ARHGAP12: variants seen among roughly 807,000 people sequenced by gnomAD.
ARHGAP12 encodes the protein rho GTPase-activating protein 12.
Under a neutral mutation model 108.6 loss-of-function variants are expected in ARHGAP12, and 64 were observed. The ratio of observed to expected loss-of-function variants is 0.59; its 90% CI spans 0.48 to 0.73. ARHGAP12 has a LOEUF of 0.73. Ranked by LOEUF, ARHGAP12 falls within the 30% of genes least tolerant of loss-of-function variation. ARHGAP12 has a pLI of 0.00. For synonymous variants in ARHGAP12, 312 were observed against 337.2 expected (o/e 0.93, Z 0.82); for missense variants, 940 against 1,005.9 (o/e 0.93, Z 0.89).
chr10:31,922,157 G>A (rs1278083952), intron 1 of ARHGAP12, among the ~76,000 whole-genome samples: 1 of 120,750 alleles, frequency 8.3e-6, no homozygotes, highest in Non-Finnish European at 1.6e-5. Context: ...CTCCAGCCTG[G>A]GAGACAGAGC....
intron 3 of ARHGAP12, among the ~76,000 whole-genome samples, chr10:31,896,727 C>T (rs1270087070): frequency 6.6e-6 from 1 of 152,122 alleles, no homozygotes; most frequent in Non-Finnish European, 1.5e-5. Flanking sequence ...ACAAGATGAA[C>T]ATGAAAATCA....
chr10:31,823,299 G>A (rs1312167736), intron 11 of ARHGAP12, among the ~76,000 whole-genome samples: 1 of 152,052 alleles, frequency 6.6e-6, no homozygotes, highest in African/African-American at 2.4e-5. Context: ...AAGTGATATA[G>A]CAATCCAGTG....
intron 1 of ARHGAP12, among the ~76,000 whole-genome samples, chr10:31,917,437 T>TA (rs1160276447): frequency 1.3e-5 from 2 of 152,244 alleles, no homozygotes; most frequent in East Asian, 1.9e-4. Context: ...ATCATTACCC[T>TA]AGTCTTTATA....
chr10:31,852,449 T>A, intron 6 of ARHGAP12, 68 bp downstream of exon 6: 1 of 1,210,700 alleles, frequency 8.3e-7, no homozygotes, highest in East Asian at 2.3e-5. Flanking sequence ...ATAAATCTGC[T>A]GAAACCATCT....
At chr10:31,900,221 C>A (rs1041360424) in intron 3 of ARHGAP12, among the ~76,000 whole-genome samples, 5 of 152,226 alleles carry the variant, frequency 3.3e-5, no homozygotes, top group African/African-American at 9.6e-5. Flanking sequence ...ACCAAATGCT[C>A]GTGAATATGT....
chr10:31,819,658 G>A (rs1835336540), intron 12 of ARHGAP12, among the ~76,000 whole-genome samples: 1 of 152,194 alleles, frequency 6.6e-6, no homozygotes, highest in Non-Finnish European at 1.5e-5. Context: ...TAGCTCCCTT[G>A]AGAATGAAAG....
At chr10:31,851,460 T>C (rs963556188) in intron 6 of ARHGAP12, among the ~76,000 whole-genome samples, 3 of 152,214 alleles carry the variant, frequency 2.0e-5, no homozygotes, top group Admixed American at 2.0e-4. Context: ...TTTTCCATTA[T>C]GGCCACCTAC....
At chr10:31,903,940 A>T (rs1387173848) in intron 3 of ARHGAP12, among the ~76,000 whole-genome samples, 2 of 152,138 alleles carry the variant, frequency 1.3e-5, no homozygotes, top group Non-Finnish European at 2.9e-5. Context: ...TGGCTAAAAT[A>T]AAAAAATAGT....
rs190896782 is a variant in ARHGAP12 at position 31,924,288 on chromosome 10, G to T, written c.-111+4395C>A. Among the ~76,000 whole-genome samples, 3 of 152,232 alleles carry T rather than the reference G, an allele frequency of 2.0e-5. No individual in the cohort carries two copies. The East Asian group carries it at 5.8e-4, about 29-fold the overall frequency. On this transcript the variant is annotated intron_variant, in intron 1 of 19. Transcript: ENST00000344936. ...ATGGCCAGAAATTGAAAACTCAAAG[G>T]CCTATGAACTTGTGAATACAAACTG...
At chr10:31,810,898 T>C (rs935552899) in intron 15 of ARHGAP12, 151 bp from the exon 16 acceptor site, 3 of 604,462 alleles carry the variant, frequency 5.0e-6, no homozygotes, top group Non-Finnish European at 8.6e-6. Flanking sequence ...TCTTGCCTAC[T>C]TCTTTTCACT....
intron 13 of ARHGAP12, among the ~76,000 whole-genome samples, chr10:31,816,039 T>C (rs1282323524): frequency 3.3e-5 from 5 of 151,978 alleles, no homozygotes; most frequent in African/African-American, 1.2e-4. Flanking sequence ...TTATCCCAGC[T>C]ACTTGGGAGG....
chr10:31,896,721 G>A (rs954805167), intron 3 of ARHGAP12, among the ~76,000 whole-genome samples: 2 of 152,134 alleles, frequency 1.3e-5, no homozygotes, highest in African/African-American at 2.4e-5. Flanking sequence ...CAAGATACAA[G>A]ATGAACATGA....
At chr10:31,833,180 G>A (rs905747471) in intron 9 of ARHGAP12, among the ~76,000 whole-genome samples, 2 of 151,828 alleles carry the variant, frequency 1.3e-5, no homozygotes, top group Non-Finnish European at 2.9e-5. Flanking sequence ...CTCAAAAGCA[G>A]GGAGAAAACA....
chr10:31,852,539 C>A lies in ARHGAP12; in HGVS notation c.1148G>T (p.Arg383Leu), dbSNP rs760263342. ...RQYYYSADGS[R>L]SEWELPKYNA... is the part of the protein sequence containing the mutation. The stretch of plus-strand genomic sequence containing the variant: ...TACCTTTGGCAATTCCCATTCTGAC[C>A]GAGATCCGTCTGCACTGTAGTAATA... Residue 383 changes from arginine to leucine, a missense_variant, in exon 6 of 20, where the codon CGG becomes CTG. Physicochemically the swap from Arg to Leu is moderately radical, Grantham distance 102. Coordinates refer to ENST00000344936, the MANE Select transcript of ARHGAP12 (RefSeq NM_018287.7). 8.1e-6 allele frequency: 13 copies of A among 1,612,528 alleles called. No individual in the cohort carries two copies. The highest frequency in any genetic ancestry group is 2.2e-5 in the South Asian group (2 of 91,036).
chr10:31,807,950 A>G, intron 19 of ARHGAP12, 118 bp from the exon 20 acceptor site: 1 of 686,362 alleles, frequency 1.5e-6, no homozygotes, highest in Non-Finnish European at 2.2e-6. Flanking sequence ...TTATTTTCCT[A>G]AGGTGATGCA....
intron 3 of ARHGAP12, among the ~76,000 whole-genome samples, chr10:31,893,045 A>G (rs1181459815): frequency 1.3e-5 from 2 of 152,244 alleles, no homozygotes; most frequent in African/African-American, 4.8e-5. Context: ...ATGTTCTTTG[A>G]AACCAACAAG....
chr10:31,826,346 T>C lies in ARHGAP12; in HGVS notation c.1488A>G (p.Ser496=). 2 of 1,613,134 alleles carry C rather than the reference T, an allele frequency of 1.2e-6. No homozygotes were observed. The highest frequency in any genetic ancestry group is 1.7e-6 in the Non-Finnish European group (2 of 1,179,494). The change falls in exon 11 of 20, where the codon TCA becomes TCG. Residue 496 remains serine, a synonymous_variant. Coordinates refer to ENST00000344936, the MANE Select transcript of ARHGAP12 (RefSeq NM_018287.7). Reference sequence around the variant, plus strand: ...CTTGAGTTTTGGTAAAAAGTAAAGATGAACCCTGCAACACCGCCCAAGAAG... The same window carrying C: ...CTTGAGTTTTGGTAAAAAGTAAAGACGAACCCTGCAACACCGCCCAAGAAG... The part of the protein sequence containing the change: ...WLSSWAVLQG[S]SLLFTKTQGS...
In ARHGAP12 at chr10:31,839,688, G is replaced by C. The variant is rs2132228790; in HGVS notation, c.1320C>G (p.Pro440=). The C allele has an allele frequency of 3.1e-6, 5 of 1,607,554 alleles. No individual in the cohort carries two copies. The highest frequency in any genetic ancestry group is 4.3e-6 in the Non-Finnish European group (5 of 1,175,786). The change falls in exon 8 of 20, where the codon CCC becomes CCG. Residue 440 remains proline, a synonymous_variant. Coordinates refer to ENST00000344936, the MANE Select transcript of ARHGAP12 (RefSeq NM_018287.7). ...GAGAAGACTCATTTTCAGGAAAGCAGGGTTTTGAGGCAGTTGGAGATTCCT... is the reference window on the plus strand; with the variant it reads ...GAGAAGACTCATTTTCAGGAAAGCACGGTTTTGAGGCAGTTGGAGATTCCT... The part of the protein sequence containing the change: ...NDKESPTASK[P]CFPENESSPS...
At position 31,923,132 on chromosome 10, in the gene ARHGAP12, G is replaced by GA. The variant is rs58930834; in HGVS notation, c.-111+5550dup. Among the ~76,000 whole-genome samples, 348 of 83,174 alleles carry GA rather than the reference G, an allele frequency of 4.2e-3. 5 individuals carry two copies. The highest frequency in any genetic ancestry group is 7.4e-3 in the African/African-American group (134 of 18,124). 54.6% of individuals were successfully genotyped at this position (83,174 alleles called of 152,430 possible). A position where few individuals can be genotyped will look rare whatever the true frequency, so the allele number is the denominator to read the frequency against. ...GGGTGACAGAGCAAGACCCTAACAG[G>GA]AAAAAAAAAAAAAAAAAAAACAGGC... is the stretch of plus-strand genomic sequence containing the variant. On this transcript the variant is annotated intron_variant, in intron 1 of 19. Coordinates refer to ENST00000344936, the MANE Select transcript of ARHGAP12 (RefSeq NM_018287.7).
Sources: gnomAD v4.1 joint callset for allele counts (sites outside exome capture counted in the v4.1 genomes callset) on GRCh38, gnomAD v4.1.1 for gene constraint, MANE v1.5 for transcripts, NCBI Gene and HGNC (gene_info 2026-07-23, HGNC 2026-07-21) for gene names.